Variants in RABEPK observed in about 807,000 individuals in gnomAD.
RABEPK encodes the protein 40 kDa Rab9 effector protein.
RABEPK carries 27 observed loss-of-function variants against 34.1 expected under a neutral mutation model. That is an observed-to-expected ratio of 0.79 (90% CI 0.58 to 1.09). The LOEUF is 1.09. Ranked by LOEUF, RABEPK falls within the 50% of genes least tolerant of loss-of-function variation. RABEPK has a pLI of 0.00. For missense variants in RABEPK, 449 were observed against 462.6 expected (o/e 0.97, Z 0.27); for synonymous variants, 172 against 169.2 (o/e 1.02, Z -0.13).
chr9:125,220,715 G>A lies in RABEPK; in HGVS notation c.526+15G>A, dbSNP rs1347707373. 1.2e-6 allele frequency: 2 copies of A among 1,611,538 alleles called. No individual in the cohort carries two copies. The highest frequency in any genetic ancestry group is 1.7e-6 in the Non-Finnish European group (2 of 1,178,628). On this transcript the variant is annotated intron_variant, in intron 5 of 7. Coordinates refer to ENST00000373538, the MANE Select transcript of RABEPK (RefSeq NM_005833.4). ...GTTTGACGCAAGTATGGACTGGTGGGCACCTTGGGGCTGGTCAGGGCCATC... is the reference window on the plus strand; with the variant it reads ...GTTTGACGCAAGTATGGACTGGTGGACACCTTGGGGCTGGTCAGGGCCATC...
Position 125,232,704 on chromosome 9 carries a change from C to G in RABEPK, c.785C>G (p.Thr262Ser), listed in dbSNP as rs189206033. The change falls in exon 7 of 8, where the codon ACT becomes AGT. Residue 262 changes from threonine to serine, a missense_variant. Coordinates refer to ENST00000373538, the MANE Select transcript of RABEPK (RefSeq NM_005833.4). ...CATGTGTACATCTTTGGTGGAATGA[C>G]TCCTGCAGGAGCACTGGACACAATG... ...GKHVYIFGGM[T>S]PAGALDTMYQ... is the part of the protein sequence containing the mutation. 8 of 1,614,104 alleles carry G rather than the reference C, an allele frequency of 5.0e-6. No individual in the cohort carries two copies. In the East Asian group the frequency reaches 1.8e-4, roughly 36 times the overall value.
intron 2 of RABEPK, among the ~76,000 whole-genome samples, chr9:125,206,555 C>A (rs1322902900): frequency 6.6e-6 from 1 of 151,588 alleles, no homozygotes; most frequent in Non-Finnish European, 1.5e-5. Context: ...TGTGATTTTT[C>A]AGAGTGCTAG....
intron 7 of RABEPK, 132 bp from the exon 8 acceptor site, chr9:125,233,556 A>C: frequency 1.1e-6 from 1 of 882,640 alleles, no homozygotes; most frequent in Non-Finnish European, 1.8e-6. Context: ...GTTAGCCAGG[A>C]TGGTCTCCAT....
chr9:125,210,778 G>C (rs1425054324), intron 3 of RABEPK, among the ~76,000 whole-genome samples: 2 of 150,576 alleles, frequency 1.3e-5, no homozygotes, highest in Non-Finnish European at 3.0e-5. Flanking sequence ...GTTGAACAAT[G>C]GTGACCCACT....
intron 1 of RABEPK, among the ~76,000 whole-genome samples, chr9:125,202,467 A>C (rs1328851843): frequency 6.6e-6 from 1 of 151,942 alleles, no homozygotes; most frequent in Non-Finnish European, 1.5e-5. Context: ...GGTTGCAGTG[A>C]GTGGAGATTG....
At chr9:125,200,990 A>G (rs1829871560) in intron 1 of RABEPK, 84 bp downstream of exon 1, 4 of 382,570 alleles carry the variant, frequency 1.0e-5, no homozygotes, top group Non-Finnish European at 2.1e-5. Flanking sequence ...TGCCAGGTCC[A>G]TTGGTAGGTT....
chr9:125,203,626 G>A (rs898635014), intron 2 of RABEPK, among the ~76,000 whole-genome samples: 9 of 152,176 alleles, frequency 5.9e-5, no homozygotes, highest in Non-Finnish European at 1.2e-4. Flanking sequence ...TTGAAGGAGA[G>A]ACTCCAGACT....
intron 5 of RABEPK, 86 bp from the exon 6 acceptor site, chr9:125,227,824 A>G (rs1228768037): frequency 1.7e-5 from 23 of 1,318,540 alleles, no homozygotes; most frequent in Non-Finnish European, 2.3e-5. Flanking sequence ...TCCGCTTGCT[A>G]GGAGGTGCTA....
chr9:125,234,158 C>A lies in RABEPK; in HGVS notation c.*178C>A. The A allele has an allele frequency of 1.5e-6, 1 of 649,272 alleles. No individual in the cohort carries two copies. Among genetic ancestry groups the A allele is most frequent in the Non-Finnish European group, 2.6e-6 (1 of 386,774 alleles). The allele number at this position is 649,272 out of a possible 1,614,324, so 40.2% of individuals were successfully genotyped here. Reference sequence around the variant, plus strand: ...CACTAAACCTTGCTATATTGCCTCTCAGAGCTCTTGGGAATGACTTTCAGT... The same window carrying A: ...CACTAAACCTTGCTATATTGCCTCTAAGAGCTCTTGGGAATGACTTTCAGT... On this transcript the variant is annotated 3_prime_UTR_variant, in exon 8 of 8. Coordinates refer to ENST00000373538, the MANE Select transcript of RABEPK (RefSeq NM_005833.4).
At chr9:125,208,838 A>G (rs564655114) in intron 3 of RABEPK, among the ~76,000 whole-genome samples, 4 of 151,640 alleles carry the variant, frequency 2.6e-5, no homozygotes, top group South Asian at 2.1e-4. Context: ...CCCAGCCTAC[A>G]TATCTCTTAT....
rs556891046 is a variant in RABEPK, at chr9:125,228,616, G to A, written c.676+557G>A. On this transcript the variant is annotated intron_variant, in intron 6 of 7. Coordinates refer to ENST00000373538, the MANE Select transcript of RABEPK (RefSeq NM_005833.4). ...GGAGGTTGTGGTGAGCTAAGATTACGCCACTGCACTCCAGCCTGGGCCACA... is the reference window on the plus strand; with the variant it reads ...GGAGGTTGTGGTGAGCTAAGATTACACCACTGCACTCCAGCCTGGGCCACA... Among the ~76,000 whole-genome samples the A allele has an allele frequency of 6.0e-5, 9 of 149,636 alleles. No homozygotes were observed. The South Asian group carries it at 1.5e-3, about 25-fold the overall frequency.
Position 125,200,634 on chromosome 9 carries a change from C to T in RABEPK, c.-279C>T. 1 of 468,440 alleles carries T rather than the reference C, an allele frequency of 2.1e-6. No individual in the cohort carries two copies. The highest frequency in any genetic ancestry group is 1.6e-5 in the South Asian group (1 of 64,440). 29.0% of individuals were successfully genotyped at this position (468,440 alleles called of 1,614,324 possible). A position where few individuals can be genotyped will look rare whatever the true frequency, so the allele number is the denominator to read the frequency against. On this transcript the variant is annotated 5_prime_UTR_variant, in exon 1 of 8. Coordinates refer to ENST00000373538, the MANE Select transcript of RABEPK (RefSeq NM_005833.4). ...GAGGGTCCCCGGATACCGGGTCTAT[C>T]ACGGTCTCGGGCAGGGAGTCTGAAT... is the stretch of plus-strand genomic sequence containing the variant.
Position 125,204,633 on chromosome 9 carries a change from G to C in RABEPK, c.53+1567G>C, listed in dbSNP as rs189279105. Among the ~76,000 whole-genome samples, 339 of 152,290 alleles carry C rather than the reference G, an allele frequency of 2.2e-3. 2 individuals are homozygous for C. Among genetic ancestry groups the C allele is most frequent in the South Asian group, 0.012 (56 of 4,834 alleles). On this transcript the variant is annotated intron_variant, in intron 2 of 7. Transcript: ENST00000373538. ...TTCTTAAACTGGCCCAATGGTCCCT[G>C]CAAAATGTTTCTGCCTGTATTTCCA... is the stretch of plus-strand genomic sequence containing the variant.
In RABEPK at chr9:125,228,026, A is replaced by G. The variant is rs771726198; in HGVS notation, c.643A>G (p.Arg215Gly). Residue 215 changes from arginine to glycine, a missense_variant, in exon 6 of 8, where the codon AGA (arginine) becomes GGA (glycine). Transcript: ENST00000373538. ...LFIHGGLAGDRFYDDLHCIDI... is the reference protein window; with the variant it reads ...LFIHGGLAGDGFYDDLHCIDI... The stretch of plus-strand genomic sequence containing the variant: ...CATCCACGGAGGCTTGGCGGGGGAC[A>G]GATTCTATGATGACCTCCACTGCAT... The G allele has an allele frequency of 9.4e-6, 15 of 1,603,130 alleles. No individual in the cohort carries two copies. The Admixed American group carries it at 2.4e-4, about 25-fold the overall frequency.
chr9:125,229,309 TG>T (rs1406964558), intron 6 of RABEPK, among the ~76,000 whole-genome samples: 1 of 151,954 alleles, frequency 6.6e-6, no homozygotes, highest in African/African-American at 2.4e-5. Context: ...GACAGGCACC[TG>T]TAGTCCTGGC....
intron 3 of RABEPK, among the ~76,000 whole-genome samples, chr9:125,213,050 C>T (rs1474097904): frequency 6.6e-6 from 1 of 152,126 alleles, no homozygotes; most frequent in African/African-American, 2.4e-5. Flanking sequence ...ATCTGGTTGG[C>T]TCATTCTGGT....
intron 3 of RABEPK, among the ~76,000 whole-genome samples, chr9:125,209,057 CT>C (rs35098822): frequency 1.3e-3 from 154 of 121,720 alleles, no homozygotes; most frequent in East Asian, 7.0e-3. Flanking sequence ...CTCAACCTCC[CT>C]TTTTTTTTTT....
rs35098822 is a variant in RABEPK, at chr9:125,209,057, C to CTTTTT, written c.211+1350_211+1354dup. Among the ~76,000 whole-genome samples the CTTTTT allele has an allele frequency of 4.1e-5, 5 of 121,742 alleles. 1 individual carries two copies. The highest frequency in any genetic ancestry group is 1.5e-4 in the African/African-American group (5 of 32,566). 79.9% of individuals were successfully genotyped at this position (121,742 alleles called of 152,430 possible). A position where few individuals can be genotyped will look rare whatever the true frequency, so the allele number is the denominator to read the frequency against. Reference sequence around the variant, plus strand: ...CTATTTCAGACTTTTCTCAACCTCCCTTTTTTTTTTTTTTTTTTGAGACCA... The same window carrying CTTTTT: ...CTATTTCAGACTTTTCTCAACCTCCCTTTTTTTTTTTTTTTTTTTTTTTGAGACCA... On this transcript the variant is annotated intron_variant, in intron 3 of 7. Coordinates refer to ENST00000373538, the MANE Select transcript of RABEPK (RefSeq NM_005833.4).
intron 6 of RABEPK, among the ~76,000 whole-genome samples, chr9:125,230,813 G>A (rs1473659978): frequency 6.6e-6 from 1 of 151,836 alleles, no homozygotes; most frequent in Non-Finnish European, 1.5e-5. Context: ...GGGATTACAG[G>A]TGTGAGCCAC....
Sources: gnomAD v4.1 joint callset for allele counts (sites outside exome capture counted in the v4.1 genomes callset) on GRCh38, gnomAD v4.1.1 for gene constraint, MANE v1.5 for transcripts, NCBI Gene and HGNC (gene_info 2026-07-23, HGNC 2026-07-21) for gene names.